The following RPTOR variants were observed in gnomAD, a reference collection of about 807,000 sequenced individuals.
RPTOR encodes regulatory-associated protein of mTOR.
Under a neutral mutation model 169.9 loss-of-function variants are expected in RPTOR, and 21 were observed. That is an observed-to-expected ratio of 0.12 (90% confidence interval 0.09 to 0.18). The LOEUF (loss-of-function observed/expected upper bound fraction) is 0.18. Among genes scored for constraint, RPTOR ranks in the 10% least tolerant of loss-of-function variants. The probability of loss-of-function intolerance (pLI) is 1.00; values close to 1 mark genes in which losing one functional copy is unlikely to be tolerated. For synonymous variants in RPTOR, 732 were observed against 753.2 expected (o/e 0.97, Z 0.46); for missense variants, 1,133 against 1,855.9 (o/e 0.61, Z 7.16).
chr17:80,913,641 T>TG (rs2068637832), intron 21 of RPTOR, among the ~76,000 whole-genome samples: 1 of 151,968 alleles, frequency 6.6e-6, no homozygotes, highest in African/African-American at 2.4e-5. Flanking sequence ...TTTGTAGAGA[T>TG]GGGGTTTCAC....
intron 5 of RPTOR, among the ~76,000 whole-genome samples, chr17:80,739,391 G>A (rs2066463779): frequency 6.6e-6 from 1 of 152,144 alleles, no homozygotes; most frequent in Admixed American, 6.5e-5. Flanking sequence ...GAAGGCAAGG[G>A]CAGGAAACAG....
chr17:80,584,916 C>T (rs1411021719), intron 1 of RPTOR, among the ~76,000 whole-genome samples: 1 of 152,102 alleles, frequency 6.6e-6, no homozygotes, highest in Non-Finnish European at 1.5e-5. Context: ...AGAACTCAAA[C>T]ATTTAAGATA....
chr17:80,884,626 T>C (rs2589124), intron 16 of RPTOR, among the ~76,000 whole-genome samples: 84,806 of 152,088 alleles, frequency 0.56, 24,474 homozygotes, highest in African/African-American at 0.71. Flanking sequence ...AGGGCCCCCA[T>C]GCCCCTCTGC....
At chr17:80,762,247 G>A (rs370400220) in intron 6 of RPTOR, among the ~76,000 whole-genome samples, 273 of 152,336 alleles carry the variant, frequency 1.8e-3, no homozygotes, top group African/African-American at 5.9e-3. Context: ...CTGACTCCCC[G>A]GCTGAACCCC....
chr17:80,763,997 T>C (rs2066760692), intron 6 of RPTOR, among the ~76,000 whole-genome samples: 1 of 152,128 alleles, frequency 6.6e-6, no homozygotes, highest in Non-Finnish European at 1.5e-5. Flanking sequence ...ACAGGGAAAA[T>C]TGACTTATAT....
At chr17:80,824,941 C>T (rs543431712) in intron 9 of RPTOR, among the ~76,000 whole-genome samples, 10 of 152,276 alleles carry the variant, frequency 6.6e-5, no homozygotes, top group East Asian at 3.9e-4. Context: ...GTGGCAAGGC[C>T]GGCGTGGGGC....
rs545331850 is a variant in RPTOR, at chr17:80,636,648, C to T, written c.266-7080C>T. The stretch of plus-strand genomic sequence containing the variant: ...ACCACATTGGGCTTCCGTTCCAACA[C>T]GTACATTTTTGGGGACATATTCAGA... On this transcript the variant is annotated intron_variant, in intron 2 of 33. Transcript: ENST00000306801. Among the ~76,000 whole-genome samples, 9 of 152,300 alleles carry T rather than the reference C, an allele frequency of 5.9e-5. No individual in the cohort carries two copies. The South Asian group carries it at 1.0e-3, about 18-fold the overall frequency.
At chr17:80,895,502 T>C (rs988651514) in intron 20 of RPTOR, among the ~76,000 whole-genome samples, 14 of 152,240 alleles carry the variant, frequency 9.2e-5, no homozygotes, top group Non-Finnish European at 2.1e-4. Context: ...CCCAGCCTTG[T>C]TAACCACTGT....
At chr17:80,866,450 A>G (rs11651587) in intron 13 of RPTOR, among the ~76,000 whole-genome samples, 56,751 of 152,056 alleles carry the variant, frequency 0.37, 11,942 homozygotes, top group Non-Finnish European at 0.48. Flanking sequence ...TACAAATCAG[A>G]CTGGAGACTA....
intron 2 of RPTOR, among the ~76,000 whole-genome samples, chr17:80,634,203 G>GTGTGTGTGCGCATACTGTGTGTGCATAC (rs1567830243): frequency 4.1e-5 from 4 of 96,542 alleles, no homozygotes; most frequent in Admixed American, 2.0e-4. Context: ...TGTGCATACT[G>GTGTGTGTGCGCATACTGTGTGTGCATAC]TGTGTGCATA....
intron 1 of RPTOR, among the ~76,000 whole-genome samples, chr17:80,574,077 A>G (rs1022152413): frequency 6.6e-6 from 1 of 152,096 alleles, no homozygotes; most frequent in Non-Finnish European, 1.5e-5. Context: ...CCATAAGGTC[A>G]TGTAATCCGA....
intron 3 of RPTOR, among the ~76,000 whole-genome samples, chr17:80,649,702 A>G (rs1228139873): frequency 1.6e-5 from 2 of 128,680 alleles, no homozygotes; most frequent in African/African-American, 6.2e-5. Flanking sequence ...CTGCCCAGAA[A>G]GTTAAGAACT....
intron 3 of RPTOR, among the ~76,000 whole-genome samples, chr17:80,680,449 G>A (rs2065890170): frequency 6.6e-6 from 1 of 152,150 alleles, no homozygotes; most frequent in African/African-American, 2.4e-5. Flanking sequence ...GCCTGGCCAA[G>A]ATGGTGAAAT....
chr17:80,754,873 C>G lies in RPTOR; in HGVS notation c.830+688C>G, dbSNP rs77431854. ...GCTGTTACCGGCTAGTAGATAAATA[C>G]CTCTCCCTTGAGGTGCCGTGCGAAT... On this transcript the variant is annotated intron_variant, in intron 6 of 33. Coordinates refer to ENST00000306801, the MANE Select transcript of RPTOR (RefSeq NM_020761.3). This position sits in a 1 kb window ranked among gnomAD's most constrained non-coding sequence, Gnocchi z 4.2. Among the ~76,000 whole-genome samples the G allele has an allele frequency of 1.2e-4, 19 of 152,318 alleles. No homozygotes were observed. In the East Asian group the frequency reaches 3.7e-3, roughly 29 times the overall value.
chr17:80,756,324 G>C (rs1379722987), intron 6 of RPTOR, among the ~76,000 whole-genome samples: 1 of 152,206 alleles, frequency 6.6e-6, no homozygotes, highest in Admixed American at 6.5e-5. Context: ...CCAGTCTCCA[G>C]AACTGTAAGA....
chr17:80,933,304 T>A lies in RPTOR; in HGVS notation c.2920-7192T>A, dbSNP rs925844580. Among the ~76,000 whole-genome samples, 6 of 152,250 alleles carry A rather than the reference T, an allele frequency of 3.9e-5. 1 individual carries two copies. Among genetic ancestry groups the A allele is most frequent in the Admixed American group, 6.5e-5 (1 of 15,292 alleles). ...CAGTATTGTACCCACAAGCTCAATA[T>A]CCAGTAACCATTTGTATCAGAATCC... On this transcript the variant is annotated intron_variant, in intron 24 of 33. Transcript: ENST00000306801.
At chr17:80,853,065 C>G (rs552175579) in intron 11 of RPTOR, among the ~76,000 whole-genome samples, 98 of 152,298 alleles carry the variant, frequency 6.4e-4, no homozygotes, top group African/African-American at 2.2e-3. Flanking sequence ...AAACCCACCC[C>G]CTTCCACTCG....
At chr17:80,768,375 G>A (rs1598291919) in intron 6 of RPTOR, among the ~76,000 whole-genome samples, 1 of 152,208 alleles carries the variant, frequency 6.6e-6, no homozygotes, top group South Asian at 2.1e-4. Flanking sequence ...CGTGTGTAAT[G>A]TATCTGGAGG....
rs1397611040 is a variant in RPTOR at position 80,823,128 on chromosome 17, T to C, written c.1041T>C (p.Phe347=). The change falls in exon 9 of 34, where the codon TTT becomes TTC. Residue 347 remains phenylalanine, a synonymous_variant. Transcript: ENST00000306801. This position sits in a 1 kb window ranked among gnomAD's most constrained non-coding sequence, Gnocchi z 4.5. The stretch of plus-strand genomic sequence containing the variant: ...AGGACTTGCTGGTGGCTAGTCTGTT[T>C]CGAAATTTTTTATTGGCGGAAAGGA... ...FRQDLLVASL[F]RNFLLAERIM... The C allele has an allele frequency of 1.2e-6, 2 of 1,614,210 alleles. No homozygotes were observed. The highest frequency in any genetic ancestry group is 2.2e-5 in the South Asian group (2 of 91,088).
Sources: allele counts gnomAD v4.1 joint callset (sites outside exome capture counted in the v4.1 genomes callset), GRCh38; gene constraint gnomAD v4.1.1; non-coding constraint Gnocchi (gnomAD v3.1); transcripts MANE v1.5; gene names NCBI Gene and HGNC (gene_info 2026-07-23, HGNC 2026-07-21).